The following GRM3 variants were observed in gnomAD, a reference collection of about 807,000 sequenced individuals.
The protein encoded by GRM3 is metabotropic glutamate receptor 3.
In GRM3, 26 loss-of-function variants were observed where a neutral mutation model predicts 70.5. The ratio of observed to expected loss-of-function variants is 0.37; its 90% CI spans 0.27 to 0.51. The LOEUF (loss-of-function observed/expected upper bound fraction) is 0.51, where lower values mean the gene tolerates loss of function less well. Ranked by LOEUF, GRM3 falls within the 20% of genes least tolerant of loss-of-function variation. The probability of loss-of-function intolerance (pLI) is 0.93; values close to 1 mark genes in which losing one functional copy is unlikely to be tolerated. For synonymous variants in GRM3, 443 were observed against 434.9 expected, an observed-to-expected ratio of 1.02 and a Z score of -0.23; for missense variants, 859 against 1,123.8, an observed-to-expected ratio of 0.76 and a Z score of 3.37.
At chr7:86,694,959 G>T (rs1174961191) in intron 1 of GRM3, among the ~76,000 whole-genome samples, 1 of 152,126 alleles carries the variant, frequency 6.6e-6, no homozygotes, top group African/African-American at 2.4e-5. Flanking sequence ...AAGATCAAGG[G>T]TTCCCTTTCA....
chr7:86,686,529 A>G (rs1336636617), intron 1 of GRM3, among the ~76,000 whole-genome samples: 1 of 152,238 alleles, frequency 6.6e-6, no homozygotes, highest in Non-Finnish European at 1.5e-5. Context: ...AAAATTACAA[A>G]GGTTTGGTAA....
At chr7:86,669,402 T>A (rs1301675378) in intron 1 of GRM3, among the ~76,000 whole-genome samples, 1 of 152,228 alleles carries the variant, frequency 6.6e-6, no homozygotes, top group African/African-American at 2.4e-5. Flanking sequence ...AGAGCGCCTC[T>A]GCTCAGACAT....
chr7:86,654,175 G>A (rs2115793424), intron 1 of GRM3, among the ~76,000 whole-genome samples: 1 of 152,316 alleles, frequency 6.6e-6, no homozygotes, highest in Middle Eastern at 3.4e-3. Flanking sequence ...GGAAGTGAGG[G>A]ACTGGCAGCA....
intron 4 of GRM3, among the ~76,000 whole-genome samples, chr7:86,843,971 C>T (rs1274398678): frequency 6.6e-6 from 1 of 152,062 alleles, no homozygotes; most frequent in Non-Finnish European, 1.5e-5. Flanking sequence ...AGGATGAGGA[C>T]CAAGAATCTC....
At chr7:86,706,416 CA>C (rs1275554762) in intron 1 of GRM3, among the ~76,000 whole-genome samples, 2 of 152,034 alleles carry the variant, frequency 1.3e-5, no homozygotes, top group Non-Finnish European at 2.9e-5. Flanking sequence ...GATAGACACA[CA>C]ATAGACCACA....
chr7:86,698,284 CTG>C (rs916202754), intron 1 of GRM3, among the ~76,000 whole-genome samples: 3 of 151,924 alleles, frequency 2.0e-5, no homozygotes, highest in African/African-American at 7.2e-5. Context: ...TGTTAATAGT[CTG>C]AGAGTAAAGG....
intron 1 of GRM3, among the ~76,000 whole-genome samples, chr7:86,735,762 T>C (rs1211066023): frequency 1.3e-5 from 2 of 152,200 alleles, no homozygotes; most frequent in African/African-American, 2.4e-5. Flanking sequence ...AAAGAAGTCT[T>C]TCATAATGGG....
intron 1 of GRM3, among the ~76,000 whole-genome samples, chr7:86,650,395 T>C (rs1025118502): frequency 6.6e-6 from 1 of 152,102 alleles, no homozygotes; most frequent in African/African-American, 2.4e-5. Flanking sequence ...TTACCAGGCT[T>C]CATTGCATTC....
chr7:86,659,879 TAAAAG>T (rs1347940674), intron 1 of GRM3, among the ~76,000 whole-genome samples: 1 of 152,032 alleles, frequency 6.6e-6, no homozygotes, highest in African/African-American at 2.4e-5. Context: ...ATCTTCACAT[TAAAAG>T]AGAAGAGGGT....
intron 5 of GRM3, among the ~76,000 whole-genome samples, chr7:86,858,588 T>C (rs982943892): frequency 2.0e-5 from 3 of 152,206 alleles, no homozygotes; most frequent in African/African-American, 7.2e-5. Context: ...GCTCTTGCAC[T>C]TTCCAGCCTT....
intron 1 of GRM3, among the ~76,000 whole-genome samples, chr7:86,701,546 T>C (rs967511029): frequency 6.6e-6 from 1 of 151,980 alleles, no homozygotes; most frequent in African/African-American, 2.4e-5. Context: ...TCCTTTGTTT[T>C]AAACTAAATT....
intron 1 of GRM3, among the ~76,000 whole-genome samples, chr7:86,687,376 G>T (rs1172183581): frequency 6.6e-6 from 1 of 151,716 alleles, no homozygotes; most frequent in Non-Finnish European, 1.5e-5. Context: ...GTGTAGCCAG[G>T]GTACATGTTA....
At chr7:86,648,900 G>T (rs757965033) in intron 1 of GRM3, among the ~76,000 whole-genome samples, 1 of 152,118 alleles carries the variant, frequency 6.6e-6, no homozygotes, top group African/African-American at 2.4e-5. Context: ...CTGCTAGACA[G>T]TAGAGGAGTA....
At chr7:86,787,699 T>G (rs2116555011) in intron 3 of GRM3, among the ~76,000 whole-genome samples, 1 of 152,352 alleles carries the variant, frequency 6.6e-6, no homozygotes, top group East Asian at 1.9e-4. Context: ...TATTAATAGT[T>G]GGGGATTTTC....
At chr7:86,688,220 GAAAA>G (rs541652994) in intron 1 of GRM3, among the ~76,000 whole-genome samples, 3 of 151,022 alleles carry the variant, frequency 2.0e-5, no homozygotes, top group Admixed American at 1.3e-4. Context: ...TGTCAGACTT[GAAAA>G]AAAATGCAGT....
chr7:86,674,522 A>G (rs1008054649), intron 1 of GRM3, among the ~76,000 whole-genome samples: 1 of 152,170 alleles, frequency 6.6e-6, no homozygotes, highest in African/African-American at 2.4e-5. Context: ...GGAGCATCAA[A>G]GAACTTGCAA....
intron 1 of GRM3, among the ~76,000 whole-genome samples, chr7:86,762,892 A>G (rs977857233): frequency 6.6e-6 from 1 of 152,134 alleles, no homozygotes; most frequent in African/African-American, 2.4e-5. Context: ...GCAGCTTAAG[A>G]TCTGAAGGCA....
At chr7:86,646,099 C>T (rs1445327328) in intron 1 of GRM3, among the ~76,000 whole-genome samples, 1 of 150,312 alleles carries the variant, frequency 6.7e-6, no homozygotes, top group Non-Finnish European at 1.5e-5. Flanking sequence ...TAATTGTTTG[C>T]AGAAGTATAT....
rs1341765519 is a variant in GRM3 at position 86,773,442 on chromosome 7, A to G, written c.468+7829A>G. 5.3e-5 allele frequency among the ~76,000 whole-genome samples: 8 copies of G among 152,166 alleles called. No individual in the cohort carries two copies. In the East Asian group the frequency reaches 1.5e-3, roughly 29 times the overall value. On this transcript the variant is annotated intron_variant, in intron 2 of 5. Coordinates refer to ENST00000361669, the MANE Select transcript of GRM3 (RefSeq NM_000840.3). ...GAGGAATTGAGACTCACAGAGGTCA[A>G]GTTCCAAGTTCAAGTTTTTATCACT... is the stretch of plus-strand genomic sequence containing the variant.
Sources: gnomAD v4.1 joint callset for allele counts (sites outside exome capture counted in the v4.1 genomes callset) on GRCh38, gnomAD v4.1.1 for gene constraint, MANE v1.5 for transcripts, NCBI Gene and HGNC (gene_info 2026-07-23, HGNC 2026-07-21) for gene names.